ZMAT4: variants seen among roughly 807,000 people sequenced by gnomAD.
ZMAT4 encodes zinc finger matrin-type protein 4.
A neutral mutation model predicts 28.7 loss-of-function variants in ZMAT4; 17 were observed. That is an observed-to-expected ratio of 0.59 (90% confidence interval 0.41 to 0.89). The LOEUF is 0.89. Among genes scored for constraint, ZMAT4 ranks in the 40% least tolerant of loss-of-function variants. The pLI is 0.00. For synonymous variants in ZMAT4, 117 were observed against 109.2 expected (o/e 1.07, Z -0.44); for missense variants, 240 against 283.8 (o/e 0.85, Z 1.11).
intron 6 of ZMAT4, among the ~76,000 whole-genome samples, chr8:40,557,111 A>T (rs115210609): frequency 0.017 from 2,575 of 152,176 alleles, 58 homozygotes; most frequent in African/African-American, 0.059. Context: ...TGCCTGTCTG[A>T]TCTCACTTAA....
At chr8:40,763,826 TA>T (rs1320663890) in intron 3 of ZMAT4, among the ~76,000 whole-genome samples, 1 of 152,182 alleles carries the variant, frequency 6.6e-6, no homozygotes, top group Non-Finnish European at 1.5e-5. Context: ...AAAGCATGTA[TA>T]TTAAGAGTAG....
intron 5 of ZMAT4, among the ~76,000 whole-genome samples, chr8:40,617,150 T>A (rs1400400882): frequency 6.6e-6 from 1 of 152,130 alleles, no homozygotes; most frequent in African/African-American, 2.4e-5. Flanking sequence ...AAGTAAAGGA[T>A]CATATTCTTT....
intron 5 of ZMAT4, among the ~76,000 whole-genome samples, chr8:40,640,927 C>T (rs1806995221): frequency 6.7e-6 from 1 of 149,808 alleles, no homozygotes; most frequent in Admixed American, 6.7e-5. Flanking sequence ...CCACTGCACT[C>T]CAGCCTGGTT....
intron 5 of ZMAT4, among the ~76,000 whole-genome samples, chr8:40,659,680 A>G (rs745848077): frequency 2.6e-5 from 4 of 152,168 alleles, no homozygotes; most frequent in Non-Finnish European, 5.9e-5. Context: ...TGTGGTACAG[A>G]CTGACCTAGA....
At chr8:40,857,516 A>G (rs1375006225) in intron 1 of ZMAT4, among the ~76,000 whole-genome samples, 1 of 152,240 alleles carries the variant, frequency 6.6e-6, no homozygotes, top group Non-Finnish European at 1.5e-5. Context: ...AAAAAGGCTG[A>G]CAATACATAG....
At chr8:40,738,946 A>C (rs1432289859) in intron 3 of ZMAT4, among the ~76,000 whole-genome samples, 1 of 152,242 alleles carries the variant, frequency 6.6e-6, no homozygotes, top group Non-Finnish European at 1.5e-5. Context: ...TGCTCATAAA[A>C]GTTTCATTAC....
At chr8:40,856,574 T>A (rs1482333847) in intron 1 of ZMAT4, among the ~76,000 whole-genome samples, 2 of 152,168 alleles carry the variant, frequency 1.3e-5, no homozygotes, top group East Asian at 3.9e-4. Context: ...TCAAAGGTGA[T>A]TATGACTACA....
intron 4 of ZMAT4, among the ~76,000 whole-genome samples, chr8:40,683,828 G>T (rs752670721): frequency 6.6e-6 from 1 of 152,070 alleles, no homozygotes; most frequent in Non-Finnish European, 1.5e-5. Flanking sequence ...ACTTCAAGAG[G>T]CTGAAATGGG....
intron 2 of ZMAT4, among the ~76,000 whole-genome samples, chr8:40,770,474 G>T (rs1351753147): frequency 5.3e-5 from 8 of 151,580 alleles, no homozygotes; most frequent in Non-Finnish European, 8.8e-5. Context: ...CTGCCAGGGA[G>T]CCCCCTCCTT....
At position 40,825,520 on chromosome 8, in the gene ZMAT4, G is replaced by T; in HGVS notation, c.102+55C>A. On this transcript the variant is annotated intron_variant, in intron 2 of 6. Coordinates refer to ENST00000297737, the MANE Select transcript of ZMAT4 (RefSeq NM_024645.3). The stretch of plus-strand genomic sequence containing the variant: ...GAGGATCCTGGAGTCCTACAACAAT[G>T]ACCCGGGCTGCTCCCTCCTACATTT... 2.1e-6 allele frequency: 3 copies of T among 1,448,990 alleles called. No individual in the cohort carries two copies. In the South Asian group the frequency reaches 3.7e-5, roughly 18 times the overall value. The allele number at this position is 1,448,990 out of a possible 1,614,324, so 89.8% of individuals were successfully genotyped here.
Position 40,621,328 on chromosome 8 carries a change from G to A in ZMAT4, c.578-40067C>T, listed in dbSNP as rs569030195. On this transcript the variant is annotated intron_variant, in intron 5 of 6. Transcript: ENST00000297737. ...GAGACCAGAACTTAGACCACTGAGG[G>A]ATGACTACAGATGCAAGAGTCTGAA... 4.6e-5 allele frequency among the ~76,000 whole-genome samples: 7 copies of A among 152,334 alleles called. No individual in the cohort carries two copies. The South Asian group carries it at 1.2e-3, about 27-fold the overall frequency.
chr8:40,591,540 C>G (rs1284809243), intron 5 of ZMAT4, among the ~76,000 whole-genome samples: 1 of 152,200 alleles, frequency 6.6e-6, no homozygotes, highest in Non-Finnish European at 1.5e-5. Context: ...CTCCCCACCC[C>G]AGTACCATTT....
chr8:40,761,565 C>T (rs1812939319), intron 3 of ZMAT4, among the ~76,000 whole-genome samples: 3 of 152,210 alleles, frequency 2.0e-5, no homozygotes. Context: ...GAGGCAGGGC[C>T]ACACAAATTA....
At chr8:40,707,611 ATG>A (rs1393722974) in intron 3 of ZMAT4, among the ~76,000 whole-genome samples, 1 of 148,502 alleles carries the variant, frequency 6.7e-6, no homozygotes. Context: ...GAGTATGTAT[ATG>A]TGTGTGTATA....
At chr8:40,819,665 G>A (rs1394929981) in intron 2 of ZMAT4, among the ~76,000 whole-genome samples, 4 of 152,090 alleles carry the variant, frequency 2.6e-5, no homozygotes, top group Non-Finnish European at 4.4e-5. Context: ...CATGAGACAT[G>A]TGGCACAGCA....
chr8:40,652,137 G>A (rs1420146083), intron 5 of ZMAT4, among the ~76,000 whole-genome samples: 5 of 113,720 alleles, frequency 4.4e-5, no homozygotes, highest in Non-Finnish European at 9.9e-5. Flanking sequence ...CCATCAGAGT[G>A]AACAGGCAAC....
intron 1 of ZMAT4, among the ~76,000 whole-genome samples, chr8:40,889,244 C>T (rs1342997223): frequency 6.6e-6 from 1 of 152,228 alleles, no homozygotes; most frequent in Non-Finnish European, 1.5e-5. Context: ...ACACTTCACA[C>T]CTGGCTGCAG....
chr8:40,784,724 G>A (rs376657394), intron 2 of ZMAT4, among the ~76,000 whole-genome samples: 67 of 152,216 alleles, frequency 4.4e-4, no homozygotes, highest in East Asian at 2.3e-3. Flanking sequence ...CCCATTCAAC[G>A]GAGAATCATT....
intron 1 of ZMAT4, among the ~76,000 whole-genome samples, chr8:40,895,342 A>G (rs1818831732): frequency 1.3e-5 from 2 of 152,344 alleles, no homozygotes; most frequent in South Asian, 2.1e-4. Flanking sequence ...GGAGTTAATT[A>G]GCCTAACACC....
Sources: gnomAD v4.1 joint callset for allele counts (sites outside exome capture counted in the v4.1 genomes callset) on GRCh38, gnomAD v4.1.1 for gene constraint, MANE v1.5 for transcripts, NCBI Gene and HGNC (gene_info 2026-07-23, HGNC 2026-07-21) for gene names.